PCDH15: variants seen among roughly 807,000 people sequenced by gnomAD.
The protein encoded by PCDH15 is protocadherin related 15, also known as protocadherin-15.
Under a neutral mutation model 178.5 loss-of-function variants are expected in PCDH15, and 129 were observed. The ratio of observed to expected loss-of-function variants is 0.72; its 90% CI spans 0.63 to 0.84. The LOEUF (loss-of-function observed/expected upper bound fraction) is 0.84. Among genes scored for constraint, PCDH15 ranks in the 40% least tolerant of loss-of-function variants. PCDH15 has a pLI of 0.00. For synonymous variants in PCDH15, 800 were observed against 732.0 expected, an observed-to-expected ratio of 1.09 and a Z score of -1.50; for missense variants, 2,230 against 2,099.9, an observed-to-expected ratio of 1.06 and a Z score of -1.21.
intron 2 of PCDH15, among the ~76,000 whole-genome samples, chr10:54,649,420 G>A (rs553434856): frequency 1.1e-4 from 16 of 151,862 alleles, no homozygotes; most frequent in East Asian, 7.8e-4. Context: ...ATTGCATTCC[G>A]TGAATCCAGA....
intron 11 of PCDH15, 146 bp downstream of exon 11, chr10:54,195,537 G>A (rs1402468107): frequency 1.5e-6 from 1 of 667,858 alleles, no homozygotes; most frequent in South Asian, 2.0e-5. Flanking sequence ...TCCTTGTTTT[G>A]GAATTAAATT....
At chr10:54,753,801 T>C (rs1011392732) in intron 1 of PCDH15, among the ~76,000 whole-genome samples, 24 of 151,826 alleles carry the variant, frequency 1.6e-4, no homozygotes, top group African/African-American at 5.8e-4. Context: ...GTGTACTGGC[T>C]CACTTCCCTA....
chr10:54,919,386 T>G (rs921550408), intron 2 of PCDH15, among the ~76,000 whole-genome samples: 4 of 152,186 alleles, frequency 2.6e-5, no homozygotes, highest in African/African-American at 9.6e-5. Context: ...GCTCAATCTC[T>G]ATTAGCCTGA....
At chr10:54,632,511 A>G (rs2093730491) in intron 2 of PCDH15, among the ~76,000 whole-genome samples, 1 of 152,170 alleles carries the variant, frequency 6.6e-6, no homozygotes. Context: ...AAACTGTGTG[A>G]GAAACATATG....
chr10:54,300,930 GCT>G (rs1301458124), intron 8 of PCDH15, among the ~76,000 whole-genome samples: 1 of 152,166 alleles, frequency 6.6e-6, no homozygotes, highest in Non-Finnish European at 1.5e-5. Flanking sequence ...CACTGTGGAA[GCT>G]CTGTTTTTTC....
At chr10:54,916,641 A>G (rs1837344775) in intron 2 of PCDH15, among the ~76,000 whole-genome samples, 1 of 152,166 alleles carries the variant, frequency 6.6e-6, no homozygotes, top group Non-Finnish European at 1.5e-5. Context: ...CTTATATTCT[A>G]AGGAGCAAAA....
At chr10:54,536,860 G>A (rs2084589424) in intron 2 of PCDH15, among the ~76,000 whole-genome samples, 1 of 152,012 alleles carries the variant, frequency 6.6e-6, no homozygotes, top group Non-Finnish European at 1.5e-5. Flanking sequence ...AGAATTCTAT[G>A]GTGCATGTGC....
chr10:54,344,481 C>G (rs1482891143), intron 6 of PCDH15, among the ~76,000 whole-genome samples: 1 of 152,024 alleles, frequency 6.6e-6, no homozygotes, highest in Non-Finnish European at 1.5e-5. Context: ...TTTTTGCTCT[C>G]AAACTATATC....
At chr10:54,677,816 T>C (rs1445412731) in intron 1 of PCDH15, among the ~76,000 whole-genome samples, 1 of 152,162 alleles carries the variant, frequency 6.6e-6, no homozygotes, top group African/African-American at 2.4e-5. Flanking sequence ...CCAGACCATG[T>C]TGCAATAGTT....
chr10:55,603,620 C>A (rs1350874187), intron 2 of PCDH15, among the ~76,000 whole-genome samples: 1 of 151,084 alleles, frequency 6.6e-6, no homozygotes, highest in African/African-American at 2.4e-5. Flanking sequence ...ATTTTCAACC[C>A]AGAATTTCAT....
chr10:54,070,585 T>A (rs540906849), intron 17 of PCDH15, among the ~76,000 whole-genome samples: 1 of 152,136 alleles, frequency 6.6e-6, no homozygotes. Context: ...CATCTTTTTT[T>A]ATTTTCATTG....
intron 2 of PCDH15, among the ~76,000 whole-genome samples, chr10:55,504,980 C>A (rs2050318): frequency 0.041 from 6,249 of 151,376 alleles, 383 homozygotes; most frequent in East Asian, 0.3. Flanking sequence ...TGTTTTGTAG[C>A]GTATTAACAA....
intron 2 of PCDH15, among the ~76,000 whole-genome samples, chr10:55,484,022 C>CTAA (rs1176273060): frequency 5.9e-5 from 9 of 151,658 alleles, no homozygotes; most frequent in African/African-American, 2.2e-4. Flanking sequence ...GATCTGGAGG[C>CTAA]CATTATCCTT....
chr10:55,257,428 C>T (rs1416116860), intron 1 of PCDH15, among the ~76,000 whole-genome samples: 1 of 151,928 alleles, frequency 6.6e-6, no homozygotes, highest in Non-Finnish European at 1.5e-5. Flanking sequence ...CTACTCTGAG[C>T]TAAAGGAGGA....
chr10:54,919,309 A>G (rs887655262), intron 2 of PCDH15, among the ~76,000 whole-genome samples: 2 of 152,162 alleles, frequency 1.3e-5, no homozygotes, highest in African/African-American at 2.4e-5. Context: ...ATAGGTAGGA[A>G]CATTATATAG....
At chr10:54,943,368 A>G (rs919687159) in intron 2 of PCDH15, among the ~76,000 whole-genome samples, 4 of 151,992 alleles carry the variant, frequency 2.6e-5, no homozygotes, top group African/African-American at 4.8e-5. Context: ...TGTGATTACA[A>G]TGTGCTCACC....
At chr10:54,100,872 C>A (rs2094798469) in intron 15 of PCDH15, among the ~76,000 whole-genome samples, 1 of 151,698 alleles carries the variant, frequency 6.6e-6, no homozygotes, top group Non-Finnish European at 1.5e-5. Context: ...CAAAAATTTT[C>A]ATCTGCAAGG....
At chr10:54,658,586 A>G (rs924057827) in intron 2 of PCDH15, among the ~76,000 whole-genome samples, 5 of 152,188 alleles carry the variant, frequency 3.3e-5, no homozygotes, top group African/African-American at 1.2e-4. Flanking sequence ...CAGACAAGCA[A>G]GTGGTAAGGG....
chr10:55,157,514 A>G (rs1300040785), intron 2 of PCDH15, among the ~76,000 whole-genome samples: 1 of 149,246 alleles, frequency 6.7e-6, no homozygotes, highest in African/African-American at 2.5e-5. Context: ...ACGTATGTTT[A>G]TTGCGGCACT....
Sources: allele counts gnomAD v4.1 joint callset (sites outside exome capture counted in the v4.1 genomes callset), GRCh38; gene constraint gnomAD v4.1.1; transcripts MANE v1.5; gene names NCBI Gene and HGNC (gene_info 2026-07-23, HGNC 2026-07-21).